Variants in BCAS3 observed in about 807,000 individuals in gnomAD.
BCAS3 encodes BCAS4/BCAS3 fusion.
In BCAS3, 53 loss-of-function variants were observed where a neutral mutation model predicts 116.1. The ratio of observed to expected loss-of-function variants is 0.46; its 90% CI spans 0.37 to 0.57. The LOEUF (loss-of-function observed/expected upper bound fraction) is 0.57. Among genes scored for constraint, BCAS3 ranks in the 20% least tolerant of loss-of-function variants. The pLI is 0.00. For missense variants in BCAS3, 917 were observed against 1,165.4 expected (o/e 0.79, Z 3.10); for synonymous variants, 391 against 408.2 (o/e 0.96, Z 0.51).
chr17:60,912,894 G>C (rs1031713419), intron 12 of BCAS3, among the ~76,000 whole-genome samples: 13 of 151,786 alleles, frequency 8.6e-5, no homozygotes, highest in African/African-American at 3.1e-4. Context: ...GAGAGATTTG[G>C]GATTATTTCA....
At chr17:61,289,123 T>G (rs2052129256) in intron 22 of BCAS3, among the ~76,000 whole-genome samples, 1 of 152,186 alleles carries the variant, frequency 6.6e-6, no homozygotes, top group Admixed American at 6.5e-5. Context: ...CGTCTAATCT[T>G]TCTAACCATA....
chr17:61,257,118 A>G (rs544195177), intron 22 of BCAS3, among the ~76,000 whole-genome samples: 1 of 152,268 alleles, frequency 6.6e-6, no homozygotes, highest in African/African-American at 2.4e-5. Flanking sequence ...CTAAAATCAC[A>G]TTGCTAATAA....
At chr17:61,318,763 C>A (rs3785851) in intron 22 of BCAS3, among the ~76,000 whole-genome samples, 38,868 of 152,032 alleles carry the variant, frequency 0.26, 6,506 homozygotes, top group African/African-American at 0.47. Context: ...GTCCAGCTGG[C>A]GTGTCTTTGA....
intron 4 of BCAS3, among the ~76,000 whole-genome samples, chr17:60,702,046 A>G (rs991682956): frequency 2.0e-5 from 3 of 152,198 alleles, no homozygotes; most frequent in African/African-American, 7.2e-5. Flanking sequence ...ATACACACAC[A>G]CACACAAATC....
In BCAS3 at chr17:61,323,161, G is replaced by T. The variant is rs1371905365; in HGVS notation, c.2426-45166G>T. ...TCGCTGTAACCCAGCCATCTTTTAG[G>T]CAGCTGATGACCACGGGCCAGATTG... On this transcript the variant is annotated intron_variant, in intron 22 of 23. Coordinates refer to ENST00000407086, the MANE Select transcript of BCAS3 (RefSeq NM_017679.5). The surrounding 1 kb of genome is among the most constrained non-coding windows in gnomAD (Gnocchi z 4.6). 6.6e-6 allele frequency among the ~76,000 whole-genome samples: 1 copy of T among 152,154 alleles called. No individual in the cohort carries two copies. Among genetic ancestry groups the T allele is most frequent in the Non-Finnish European group, 1.5e-5 (1 of 68,032 alleles).
intron 4 of BCAS3, among the ~76,000 whole-genome samples, chr17:60,701,148 G>A (rs1036267028): frequency 2.6e-5 from 4 of 152,086 alleles, no homozygotes; most frequent in African/African-American, 7.2e-5. Context: ...GGAGGCTGAG[G>A]CACTAGAATC....
intron 22 of BCAS3, among the ~76,000 whole-genome samples, chr17:61,304,456 A>G (rs2053676735): frequency 6.6e-6 from 1 of 152,170 alleles, no homozygotes; most frequent in South Asian, 2.1e-4. Context: ...CATATTAGTC[A>G]TATACTATTT....
chr17:60,811,822 C>A (rs949995689), intron 7 of BCAS3, among the ~76,000 whole-genome samples: 1 of 152,124 alleles, frequency 6.6e-6, no homozygotes, highest in African/African-American at 2.4e-5. Flanking sequence ...CCAAGGCCAG[C>A]GGATCGCTTG....
intron 20 of BCAS3, among the ~76,000 whole-genome samples, chr17:61,076,221 G>A (rs2071972641): frequency 6.6e-6 from 1 of 152,190 alleles, no homozygotes; most frequent in African/African-American, 2.4e-5. Context: ...ATCATTTTAT[G>A]AAGCTAATGA....
At chr17:61,308,549 C>T (rs2054038674) in intron 22 of BCAS3, among the ~76,000 whole-genome samples, 1 of 151,878 alleles carries the variant, frequency 6.6e-6, no homozygotes, top group South Asian at 2.1e-4. Flanking sequence ...CAGCTCTTCT[C>T]GGTGAGTAAG....
rs775069588 is a variant in BCAS3, at chr17:60,868,645, A to G, written c.546A>G (p.Gln182=). 4.4e-6 allele frequency: 7 copies of G among 1,603,754 alleles called. No homozygotes were observed. The highest frequency in any genetic ancestry group is 1.7e-5 in the Admixed American group (1 of 58,210). The change falls in exon 8 of 24, where the codon CAA becomes CAG. Residue 182 remains glutamine (Q), a synonymous_variant. Transcript: ENST00000407086. ...CTGGGGAGATGGTCAAGTCCATTCA[A>G]TTTAAGACACCTATTTATGATCTCC... The part of the protein sequence containing the change: ...LRTGEMVKSI[Q]FKTPIYDLHC...
chr17:61,323,279 C>T lies in BCAS3; in HGVS notation c.2426-45048C>T, dbSNP rs1361553158. Among the ~76,000 whole-genome samples, 1 of 152,132 alleles carries T rather than the reference C, an allele frequency of 6.6e-6. No individual in the cohort carries two copies. Among genetic ancestry groups the T allele is most frequent in the Non-Finnish European group, 1.5e-5 (1 of 68,020 alleles). ...GGGAAGGACTCATTTATAACCCGTTCTGATTATTCTTCTCCTCTGAAATCT... is the reference window on the plus strand; with the variant it reads ...GGGAAGGACTCATTTATAACCCGTTTTGATTATTCTTCTCCTCTGAAATCT... On this transcript the variant is annotated intron_variant, in intron 22 of 23. Coordinates refer to ENST00000407086, the MANE Select transcript of BCAS3 (RefSeq NM_017679.5). This position sits in a 1 kb window ranked among gnomAD's most constrained non-coding sequence, Gnocchi z 4.6.
chr17:61,352,651 TCA>T lies in BCAS3; in HGVS notation c.2426-15673_2426-15672del, dbSNP rs2057916745. ...AATGAGTCTGTGAGTTGAGGGGAAA[TCA>T]CAACCAGATTAACACAGTGATTTGG... On this transcript the variant is annotated intron_variant, in intron 22 of 23. Coordinates refer to ENST00000407086, the MANE Select transcript of BCAS3 (RefSeq NM_017679.5). The surrounding 1 kb of genome is among the most constrained non-coding windows in gnomAD (Gnocchi z 4.7). 6.6e-6 allele frequency among the ~76,000 whole-genome samples: 1 copy of T among 152,152 alleles called. No homozygotes were observed. Among genetic ancestry groups the T allele is most frequent in the Admixed American group, 6.5e-5 (1 of 15,282 alleles).
chr17:60,703,190 A>G (rs1440336532), intron 4 of BCAS3, among the ~76,000 whole-genome samples: 1 of 151,852 alleles, frequency 6.6e-6, no homozygotes, highest in Non-Finnish European at 1.5e-5. Context: ...CAGGAGAATC[A>G]TTTGAACCCG....
At chr17:60,719,576 A>T (rs1392822886) in intron 5 of BCAS3, among the ~76,000 whole-genome samples, 1 of 152,234 alleles carries the variant, frequency 6.6e-6, no homozygotes, top group Admixed American at 6.5e-5. Context: ...CTTTGTAGTC[A>T]TGAGAATAAG....
At chr17:61,103,409 A>G (rs545344216) in intron 22 of BCAS3, among the ~76,000 whole-genome samples, 1 of 152,302 alleles carries the variant, frequency 6.6e-6, no homozygotes, top group Admixed American at 6.5e-5. Context: ...AGGAACTCCT[A>G]CTGACCTGAA....
At chr17:60,707,771 G>T (rs2037356915) in intron 4 of BCAS3, among the ~76,000 whole-genome samples, 1 of 151,862 alleles carries the variant, frequency 6.6e-6, no homozygotes, top group Non-Finnish European at 1.5e-5. Flanking sequence ...ATGATTTTTT[G>T]CCTTTATTCT....
chr17:60,931,743 T>C (rs2145187740), intron 13 of BCAS3, among the ~76,000 whole-genome samples: 1 of 152,296 alleles, frequency 6.6e-6, no homozygotes, highest in East Asian at 1.9e-4. Context: ...TGCTTCAGTT[T>C]CCTCATCAAT....
At chr17:60,929,838 C>G (rs2059554531) in intron 13 of BCAS3, among the ~76,000 whole-genome samples, 1 of 150,766 alleles carries the variant, frequency 6.6e-6, no homozygotes, top group African/African-American at 2.4e-5. Flanking sequence ...TTTGTCCTTG[C>G]AATAGTTTAC....
Sources: gnomAD v4.1 joint callset for allele counts (sites outside exome capture counted in the v4.1 genomes callset) on GRCh38, gnomAD v4.1.1 for gene constraint, Gnocchi (gnomAD v3.1) non-coding constraint, MANE v1.5 for transcripts, NCBI Gene and HGNC (gene_info 2026-07-23, HGNC 2026-07-21) for gene names.